RFC4: variants seen among roughly 807,000 people sequenced by gnomAD.
The protein encoded by RFC4 is A1 37 kDa subunit.
Under a neutral mutation model 47.6 loss-of-function variants are expected in RFC4, and 38 were observed. The observed-to-expected ratio is 0.80, with a 90% CI of 0.62 to 1.05. The LOEUF is 1.05. Among genes scored for constraint, RFC4 ranks in the 50% least tolerant of loss-of-function variants. The pLI is 0.00. For synonymous variants in RFC4, 164 were observed against 150.0 expected, an observed-to-expected ratio of 1.09 and a Z score of -0.68; for missense variants, 489 against 434.0, an observed-to-expected ratio of 1.13 and a Z score of -1.13.
intron 8 of RFC4, among the ~76,000 whole-genome samples, chr3:186,791,071 TAAA>T (rs3917138): frequency 0.062 from 9,470 of 151,744 alleles, 487 homozygotes; most frequent in African/African-American, 0.14. Flanking sequence ...TTCTCTTTAA[TAAA>T]TGATTACTGT....
Position 186,789,918 on chromosome 3 carries a change from T to G in RFC4, c.*51A>C, listed in dbSNP as rs760134026. On this transcript the variant is annotated 3_prime_UTR_variant, in exon 11 of 11. Transcript: ENST00000296273. ...TTAAAGGTGCTTTTGGTCATTTTATTTTTATTACAACTTCATTATTTACAA... is the reference window on the plus strand; with the variant it reads ...TTAAAGGTGCTTTTGGTCATTTTATGTTTATTACAACTTCATTATTTACAA... 5.0e-6 allele frequency: 6 copies of G among 1,188,716 alleles called. No individual in the cohort carries two copies. The highest frequency in any genetic ancestry group is 1.2e-6 in the Non-Finnish European group (1 of 815,328). The allele number at this position is 1,188,716 out of a possible 1,614,324, so 73.6% of individuals were successfully genotyped here.
At position 186,789,962 on chromosome 3, in the gene RFC4, A is replaced by C. The variant is rs552693814; in HGVS notation, c.*7T>G. On this transcript the variant is annotated 3_prime_UTR_variant, in exon 11 of 11. Transcript: ENST00000296273. ...TTTACAAAACCCCCCATCCAGATAT[A>C]TTCACGTTAACAATTCTGAGATAAC... The C allele has an allele frequency of 1.3e-6, 2 of 1,562,180 alleles. No homozygotes were observed. Among genetic ancestry groups the C allele is most frequent in the South Asian group, 2.2e-5 (2 of 89,280 alleles).
intron 4 of RFC4, among the ~76,000 whole-genome samples, chr3:186,795,566 G>A (rs112162459): frequency 4.6e-5 from 7 of 152,202 alleles, no homozygotes; most frequent in African/African-American, 1.2e-4. Flanking sequence ...AGGCCGAGGC[G>A]GGTGGATCAC....
chr3:186,790,613 CT>C (rs1346105283), intron 8 of RFC4, among the ~76,000 whole-genome samples: 21 of 152,194 alleles, frequency 1.4e-4, no homozygotes, highest in Non-Finnish European at 2.9e-4. Context: ...TTTTAAAGCC[CT>C]TTAATGGCTT....
At position 186,792,606 on chromosome 3, in the gene RFC4, T is replaced by A; in HGVS notation, c.559A>T (p.Ile187Phe). The change falls in exon 7 of 11, where the codon ATT (isoleucine) becomes TTT (phenylalanine). Residue 187 changes from isoleucine (I) to phenylalanine (F), a missense_variant. Around this residue, in one of 2 missense-constraint regions of RFC4, gnomAD observed 206 missense variants for 257.8 expected, o/e 0.80. Coordinates refer to ENST00000296273, the MANE Select transcript of RFC4 (RefSeq NM_002916.5). ...CLICNYVSRI[I>F]EPLTSRCSKF... ...GAACATCTAGAGGTCAGGGGTTCAA[T>A]TATTCTGTGGAAGATGAGAAAAACC... 2 of 1,612,532 alleles carry A rather than the reference T, an allele frequency of 1.2e-6. No individual in the cohort carries two copies. The highest frequency in any genetic ancestry group is 8.5e-7 in the Non-Finnish European group (1 of 1,179,256).
rs754363341 is a variant in RFC4, at chr3:186,792,968, A to G, written c.411-21T>C. ...TCCCACTGATTCAGAGAAACACATA[A>G]GAGTTGAACATTAATATGTATATTG... On this transcript the variant is annotated intron_variant, in intron 5 of 10. Coordinates refer to ENST00000296273, the MANE Select transcript of RFC4 (RefSeq NM_002916.5). The G allele has an allele frequency of 4.4e-6, 7 of 1,603,432 alleles. No individual in the cohort carries two copies. In the African/African-American group the frequency reaches 9.4e-5, roughly 22 times the overall value.
intron 1 of RFC4, among the ~76,000 whole-genome samples, chr3:186,805,888 A>C (rs1183298953): frequency 3.9e-5 from 6 of 152,216 alleles, no homozygotes; most frequent in Non-Finnish European, 7.3e-5. Context: ...TTGGTGAATG[A>C]ATTACCATCT....
chr3:186,801,730 A>AAAAAAAAAAAAAAAAAAAG (rs1348449105), intron 2 of RFC4, among the ~76,000 whole-genome samples: 12 of 149,944 alleles, frequency 8.0e-5, no homozygotes, highest in African/African-American at 3.0e-4. Flanking sequence ...AAAAAAAAAA[A>AAAAAAAAAAAAAAAAAAAG]AGAAATTAAA....
rs1303114503 is a variant in RFC4 at position 186,801,132 on chromosome 3, A to G, written c.195T>C (p.Ser65=). ...QEEVVAVLKK[S]LEGADLPNLL... Reference sequence around the variant, plus strand: ...TGCAACTCACATCTGCTCCTTCTAAAGATTTTTTCAGCACTGCAACCACTT... The same window carrying G: ...TGCAACTCACATCTGCTCCTTCTAAGGATTTTTTCAGCACTGCAACCACTT... Residue 65 remains serine, a synonymous_variant, in exon 3 of 11, where the codon TCT becomes TCC. Transcript: ENST00000296273. The G allele has an allele frequency of 6.2e-7, 1 of 1,613,854 alleles. No individual in the cohort carries two copies. The highest frequency in any genetic ancestry group is 8.5e-7 in the Non-Finnish European group (1 of 1,179,854).
Position 186,801,483 on chromosome 3 carries a change from T to G in RFC4, c.132-288A>C, listed in dbSNP as rs1367263628. The G allele has an allele frequency of 2.3e-5, 7 of 304,872 alleles. No individual in the cohort carries two copies. The East Asian group carries it at 3.0e-4, about 13-fold the overall frequency. 18.9% of individuals were successfully genotyped at this position (304,872 alleles called of 1,614,324 possible). On this transcript the variant is annotated intron_variant, in intron 2 of 10. Coordinates refer to ENST00000296273, the MANE Select transcript of RFC4 (RefSeq NM_002916.5). ...ATTTTATTTTATATGCTACAAACAC[T>G]AATTAGAAATTAAAGTGGGGGATTA...
At position 186,791,774 on chromosome 3, in the gene RFC4, A is replaced by G. The variant is rs1179349530; in HGVS notation, c.752T>C (p.Leu251Ser). Reference sequence around the variant, plus strand: ...CTCTGTGATCTCCTTTCCACCTGTTAATCGAGTAGCGCTTTGAAGAAATGT... The same window carrying G: ...CTCTGTGATCTCCTTTCCACCTGTTGATCGAGTAGCGCTTTGAAGAAATGT... ...AITFLQSATRLTGGKEITEKV... is the reference protein window; with the variant it reads ...AITFLQSATRSTGGKEITEKV... The change falls in exon 8 of 11, where the codon TTA becomes TCA. Residue 251 changes from leucine (L) to serine (S), a missense_variant. Around this residue, in one of 2 missense-constraint regions of RFC4, gnomAD observed 283 missense variants for 176.2 expected, o/e 1.61. Coordinates refer to ENST00000296273, the MANE Select transcript of RFC4 (RefSeq NM_002916.5). The G allele has an allele frequency of 2.5e-6, 4 of 1,611,300 alleles. No homozygotes were observed. The Admixed American group carries it at 6.7e-5, about 27-fold the overall frequency.
intron 2 of RFC4, among the ~76,000 whole-genome samples, chr3:186,802,192 A>G (rs1026097720): frequency 6.6e-6 from 1 of 152,038 alleles, no homozygotes; most frequent in Non-Finnish European, 1.5e-5. Context: ...GTCTGTATTA[A>G]AAATACAAAA....
chr3:186,802,731 A>AT (rs568972708), intron 2 of RFC4, among the ~76,000 whole-genome samples: 32 of 148,504 alleles, frequency 2.2e-4, no homozygotes, highest in East Asian at 1.2e-3. Context: ...AGGAATTATG[A>AT]TTTTTTTTTT....
At chr3:186,802,023 C>CAAAA (rs34264551) in intron 2 of RFC4, among the ~76,000 whole-genome samples, 12 of 92,050 alleles carry the variant, frequency 1.3e-4, no homozygotes, top group South Asian at 3.9e-4. Context: ...AACTTTATCT[C>CAAAA]AAAAAAAAAA....
intron 2 of RFC4, among the ~76,000 whole-genome samples, chr3:186,803,639 G>C (rs548113896): frequency 1.3e-5 from 2 of 150,970 alleles, no homozygotes; most frequent in African/African-American, 4.9e-5. Context: ...AAGTAGCTGG[G>C]ATTACAGGTG....
In RFC4 at chr3:186,790,535, T is replaced by G. The variant is rs182451759; in HGVS notation, c.802-129A>C. ...AGTTCCATACTTTCCTGGGAAGGCT[T>G]TGGGAGAACGGAAAGGGCCAGAGTA... On this transcript the variant is annotated intron_variant, in intron 8 of 10. Transcript: ENST00000296273. 1,654 of 708,794 alleles carry G rather than the reference T, an allele frequency of 2.3e-3. 3 individuals are homozygous for G. Among genetic ancestry groups the G allele is most frequent in the Non-Finnish European group, 3.6e-3 (1,423 of 394,696 alleles). The allele number at this position is 708,794 out of a possible 1,614,324, so 43.9% of individuals were successfully genotyped here. A position where few individuals can be genotyped will look rare whatever the true frequency, so the allele number is the denominator to read the frequency against.
At chr3:186,804,522 A>T in intron 2 of RFC4, 61 bp downstream of exon 2, 6 of 1,410,658 alleles carry the variant, frequency 4.3e-6, no homozygotes, top group Non-Finnish European at 5.8e-6. Flanking sequence ...AAAAAAAGTG[A>T]TCAGTACTGG....
intron 3 of RFC4, among the ~76,000 whole-genome samples, chr3:186,799,705 T>G (rs1489635855): frequency 6.6e-6 from 1 of 151,602 alleles, no homozygotes; most frequent in Non-Finnish European, 1.5e-5. Context: ...AGAGCAAGAC[T>G]CTGTCTCAAT....
intron 8 of RFC4, 137 bp downstream of exon 8, chr3:186,791,588 A>G (rs1722137798): frequency 1.3e-6 from 1 of 787,228 alleles, no homozygotes; most frequent in South Asian, 1.4e-5. Flanking sequence ...ACACTCTGAT[A>G]CTCCCAGGTT....
Sources: allele counts gnomAD v4.1 joint callset (sites outside exome capture counted in the v4.1 genomes callset), GRCh38; gene constraint gnomAD v4.1.1; regional missense constraint gnomAD v4.1.1; transcripts MANE v1.5; gene names NCBI Gene and HGNC (gene_info 2026-07-23, HGNC 2026-07-21).